The following ATAD3B variants were observed in gnomAD, a reference collection of about 807,000 sequenced individuals.
ATAD3B encodes ATPase family AAA domain containing 3B.
In ATAD3B, 59 loss-of-function variants were observed where a neutral mutation model predicts 70.2. The observed-to-expected ratio is 0.84, with a 90% CI of 0.68 to 1.04. The LOEUF (loss-of-function observed/expected upper bound fraction) is 1.04. Among genes scored for constraint, ATAD3B ranks in the 50% least tolerant of loss-of-function variants. ATAD3B has a pLI of 0.00. For missense variants in ATAD3B, 961 were observed against 913.4 expected (o/e 1.05, Z -0.67); for synonymous variants, 423 against 388.6 (o/e 1.09, Z -1.04).
intron 2 of ATAD3B, 39 bp from the exon 3 acceptor site, chr1:1,478,605 C>G (rs913929207): frequency 3.9e-6 from 6 of 1,549,438 alleles, no homozygotes; most frequent in African/African-American, 1.4e-5. Context: ...CAGTGCCAGC[C>G]CTGAGCAAGT....
rs766660882 is a variant in ATAD3B, at chr1:1,485,754, A to G, written c.907-28A>G. On this transcript the variant is annotated intron_variant, in intron 8 of 15. Coordinates refer to ENST00000673477, the MANE Select transcript of ATAD3B (RefSeq NM_031921.6). ...GTTCCGTGGCTGTGGCAGGTGACCC[A>G]ATGGTGCTTCCCCTTCCCCTCCGGC... 83 of 1,611,440 alleles carry G rather than the reference A, an allele frequency of 5.2e-5. 4 individuals carry two copies. Among genetic ancestry groups the G allele is most frequent in the East Asian group, 1.6e-4 (7 of 44,828 alleles).
At chr1:1,482,094 T>C (rs372365995) in intron 5 of ATAD3B, 44 bp from the exon 6 acceptor site, 20,646 of 1,561,186 alleles carry the variant, frequency 0.013, 569 homozygotes, top group African/African-American at 0.03. Flanking sequence ...GAGGTGGACG[T>C]GCTGCACTGC....
At chr1:1,490,032 A>G (rs2649579) in intron 13 of ATAD3B, 203,614 of 1,386,594 alleles carry the variant, frequency 0.15, 36,268 homozygotes, top group African/African-American at 0.69. Flanking sequence ...CACACAGGGC[A>G]AGAACAGAGG....
intron 4 of ATAD3B, among the ~76,000 whole-genome samples, chr1:1,479,742 T>C (rs564848516): frequency 1.6e-5 from 2 of 126,382 alleles, no homozygotes; most frequent in Non-Finnish European, 3.2e-5. Context: ...CGATCACACA[T>C]AGGCATGCAC....
downstream of ATAD3B, among the ~76,000 whole-genome samples, chr1:1,501,510 C>T (rs1288071665): frequency 6.6e-6 from 1 of 152,168 alleles, no homozygotes; most frequent in Non-Finnish European, 1.5e-5. Flanking sequence ...CCGCCTCGGC[C>T]TCCCAAAGTG....
chr1:1,496,059 G>T lies in ATAD3B; in HGVS notation c.*242G>T. ...GGCCTGCCAGGACTAGACAGAAGTGGGGCGGCCTGAACCCTGCTTCCAGCC... is the reference window on the plus strand; with the variant it reads ...GGCCTGCCAGGACTAGACAGAAGTGTGGCGGCCTGAACCCTGCTTCCAGCC... On this transcript the variant is annotated 3_prime_UTR_variant, in exon 16 of 16. Transcript: ENST00000673477. The T allele has an allele frequency of 2.3e-6, 3 of 1,283,126 alleles. No homozygotes were observed. The highest frequency in any genetic ancestry group is 3.0e-6 in the Non-Finnish European group (3 of 1,013,268). The allele number at this position is 1,283,126 out of a possible 1,614,324, so 79.5% of individuals were successfully genotyped here. A position where few individuals can be genotyped will look rare whatever the true frequency, so the allele number is the denominator to read the frequency against.
At position 1,495,962 on chromosome 1, in the gene ATAD3B, C is replaced by G. The variant is rs1158537050; in HGVS notation, c.*145C>G. 1.7e-5 allele frequency: 23 copies of G among 1,390,506 alleles called. No homozygotes were observed. Among genetic ancestry groups the G allele is most frequent in the African/African-American group, 2.9e-5 (2 of 69,004 alleles). 86.1% of individuals were successfully genotyped at this position (1,390,506 alleles called of 1,614,324 possible). A position where few individuals can be genotyped will look rare whatever the true frequency, so the allele number is the denominator to read the frequency against. ...ACTGTGAGGGTGGGTGCTGGCTGAG[C>G]CCCTGGGGCAGAAGGAGTGGGGCAG... On this transcript the variant is annotated 3_prime_UTR_variant, in exon 16 of 16. Coordinates refer to ENST00000673477, the MANE Select transcript of ATAD3B (RefSeq NM_031921.6).
chr1:1,498,130 C>A (rs920742409), downstream of ATAD3B, among the ~76,000 whole-genome samples: 5 of 151,654 alleles, frequency 3.3e-5, no homozygotes, highest in African/African-American at 1.2e-4. Context: ...TGGTGAAACC[C>A]CCATCTCTAT....
downstream of ATAD3B, among the ~76,000 whole-genome samples, chr1:1,501,870 G>T (rs1420754667): frequency 5.5e-5 from 8 of 146,158 alleles, no homozygotes; most frequent in East Asian, 5.8e-4. Context: ...TTTTGTTTTT[G>T]TTTTGTTTTG....
At chr1:1,502,127 C>T (rs990186246), downstream of ATAD3B, among the ~76,000 whole-genome samples, 6 of 152,092 alleles carry the variant, frequency 3.9e-5, no homozygotes, top group African/African-American at 1.2e-4. Flanking sequence ...GATCCGCCTG[C>T]CTCGGTCTCC....
downstream of ATAD3B, among the ~76,000 whole-genome samples, chr1:1,498,479 AAAAT>A: frequency 6.6e-6 from 1 of 152,000 alleles, no homozygotes; most frequent in Non-Finnish European, 1.5e-5. Context: ...TTAAAAAATA[AAAAT>A]AAAACCAAAC....
chr1:1,495,577 G>A lies in ATAD3B; in HGVS notation c.1707G>A (p.Met569Ile), dbSNP rs753489353. ...QDAVQQYRQKMRWLKAEGPGR... is the reference protein window; with the variant it reads ...QDAVQQYRQKIRWLKAEGPGR... ...CTGTCCAGCAGTACCGACAGAAGAT[G>A]CGCTGGCTGAAGGCGGAGGGGCCTG... The change falls in exon 16 of 16, where the codon ATG becomes ATA. Residue 569 changes from methionine (M) to isoleucine (I), a missense_variant. By Grantham distance (10) the Met-to-Ile change is conservative. Around this residue, in one of 4 missense-constraint regions of ATAD3B, gnomAD observed 417 missense variants for 335.0 expected, o/e 1.24. Coordinates refer to ENST00000673477, the MANE Select transcript of ATAD3B (RefSeq NM_031921.6). 6 of 1,613,270 alleles carry A rather than the reference G, an allele frequency of 3.7e-6. No individual in the cohort carries two copies. The highest frequency in any genetic ancestry group is 2.2e-5 in the East Asian group (1 of 44,878).
chr1:1,490,822 C>G (rs1640506233), intron 15 of ATAD3B, 151 bp downstream of exon 15: 1 of 1,460,696 alleles, frequency 6.8e-7, no homozygotes, highest in South Asian at 1.4e-5. Flanking sequence ...CCCCCTGCCT[C>G]AGTCGGGCCA....
At chr1:1,499,348 T>C (rs1032082174), downstream of ATAD3B, among the ~76,000 whole-genome samples, 42 of 149,702 alleles carry the variant, frequency 2.8e-4, 1 homozygote, top group Middle Eastern at 0.01. Flanking sequence ...GTGATTCTTC[T>C]GCCTCAGCCT....
At chr1:1,493,929 T>C (rs531087485) in intron 15 of ATAD3B, among the ~76,000 whole-genome samples, 18 of 152,066 alleles carry the variant, frequency 1.2e-4, no homozygotes, top group African/African-American at 3.6e-4. Context: ...TAATGCTGGC[T>C]TCCTAGGATG....
intron 1 of ATAD3B, among the ~76,000 whole-genome samples, chr1:1,473,755 A>C (rs1013888579): frequency 2.2e-4 from 33 of 151,968 alleles, no homozygotes; most frequent in African/African-American, 7.2e-4. Context: ...CGACCTCCCA[A>C]AGTGATGAGA....
chr1:1,487,684 A>C (rs1157227449), intron 11 of ATAD3B, among the ~76,000 whole-genome samples, 179 bp from the exon 12 acceptor site: 3 of 151,902 alleles, frequency 2.0e-5, no homozygotes, highest in Non-Finnish European at 4.4e-5. Flanking sequence ...AGACGTGGTC[A>C]GCTGCCCAGA....
At chr1:1,483,136 G>GAA in intron 7 of ATAD3B, 1 of 384,084 alleles carries the variant, frequency 2.6e-6, no homozygotes, top group Non-Finnish European at 5.2e-6. Context: ...CTAAAAAAAA[G>GAA]AAAAAAAAAG....
At chr1:1,492,565 G>T (rs1640590286) in intron 15 of ATAD3B, among the ~76,000 whole-genome samples, 2 of 151,698 alleles carry the variant, frequency 1.3e-5, no homozygotes, top group South Asian at 2.1e-4. Flanking sequence ...GGAGGCCGAG[G>T]TGTTGGATCA....
Sources: gnomAD v4.1 joint callset for allele counts (sites outside exome capture counted in the v4.1 genomes callset) on GRCh38, gnomAD v4.1.1 for gene constraint, gnomAD v4.1.1 regional missense constraint, MANE v1.5 for transcripts, NCBI Gene and HGNC (gene_info 2026-07-23, HGNC 2026-07-21) for gene names.